The following NKAIN2 variants were observed in gnomAD, a reference collection of about 807,000 sequenced individuals.
NKAIN2 encodes the protein sodium/potassium transporting ATPase interacting 2, also known as sodium/potassium-transporting ATPase subunit beta-1-interacting protein 2.
In NKAIN2, 14 loss-of-function variants were observed where a neutral mutation model predicts 32.6. That is an observed-to-expected ratio of 0.43 (90% CI 0.28 to 0.67). The LOEUF is 0.67. Ranked by LOEUF, NKAIN2 falls within the 30% of genes least tolerant of loss-of-function variation. NKAIN2 has a pLI of 0.17. For synonymous variants in NKAIN2, 80 were observed against 87.2 expected (o/e 0.92, Z 0.46); for missense variants, 198 against 258.3 (o/e 0.77, Z 1.60).
At chr6:124,201,946 G>A (rs947591711) in intron 1 of NKAIN2, among the ~76,000 whole-genome samples, 6 of 151,284 alleles carry the variant, frequency 4.0e-5, no homozygotes, top group Non-Finnish European at 7.4e-5. Flanking sequence ...TTCTATTAAC[G>A]TTTGAGCTTT....
chr6:123,886,707 AG>A (rs1236131161), intron 1 of NKAIN2, among the ~76,000 whole-genome samples: 7 of 152,192 alleles, frequency 4.6e-5, no homozygotes, highest in African/African-American at 7.2e-5. Context: ...TCACAAAAGT[AG>A]CCAATCAATT....
At chr6:124,807,494 G>T (rs1387788036) in intron 5 of NKAIN2, among the ~76,000 whole-genome samples, 1 of 151,014 alleles carries the variant, frequency 6.6e-6, no homozygotes, top group African/African-American at 2.4e-5. Flanking sequence ...AAAGCAGTGT[G>T]TAGAGGGAAA....
At chr6:124,615,515 C>T (rs1466346525) in intron 3 of NKAIN2, among the ~76,000 whole-genome samples, 2 of 152,064 alleles carry the variant, frequency 1.3e-5, no homozygotes, top group African/African-American at 2.4e-5. Flanking sequence ...TCATTCTTAA[C>T]AGAAAAACAA....
At chr6:124,777,954 C>CAT (rs1319496701) in intron 4 of NKAIN2, among the ~76,000 whole-genome samples, 1 of 145,244 alleles carries the variant, frequency 6.9e-6, no homozygotes, top group East Asian at 1.9e-4. Flanking sequence ...CATTCACACA[C>CAT]ACACACACAC....
At chr6:124,188,334 A>T (rs1305968307) in intron 1 of NKAIN2, among the ~76,000 whole-genome samples, 1 of 152,210 alleles carries the variant, frequency 6.6e-6, no homozygotes, top group African/African-American at 2.4e-5. Flanking sequence ...GGCAAACTTG[A>T]ACTCTCAGCC....
chr6:124,146,756 A>G (rs1006912385), intron 1 of NKAIN2, among the ~76,000 whole-genome samples: 2 of 152,218 alleles, frequency 1.3e-5, no homozygotes, highest in African/African-American at 2.4e-5. Flanking sequence ...ATCACAAAAA[A>G]TACATTATGA....
intron 1 of NKAIN2, among the ~76,000 whole-genome samples, chr6:123,851,042 A>G (rs1775320811): frequency 6.6e-6 from 1 of 151,890 alleles, no homozygotes; most frequent in Non-Finnish European, 1.5e-5. Flanking sequence ...TTAAGGCTGA[A>G]TTGTATTCCA....
At chr6:123,971,257 G>A (rs933546214) in intron 1 of NKAIN2, among the ~76,000 whole-genome samples, 1 of 151,908 alleles carries the variant, frequency 6.6e-6, no homozygotes, top group African/African-American at 2.4e-5. Flanking sequence ...CTCTTACAAG[G>A]CACTATTTAG....
intron 1 of NKAIN2, among the ~76,000 whole-genome samples, chr6:123,853,454 C>G (rs1345775702): frequency 6.6e-6 from 1 of 152,140 alleles, no homozygotes; most frequent in African/African-American, 2.4e-5. Flanking sequence ...ACATTTCGGT[C>G]ATTCATTCTA....
intron 1 of NKAIN2, among the ~76,000 whole-genome samples, chr6:123,813,152 C>A (rs1477516813): frequency 6.6e-6 from 1 of 152,192 alleles, no homozygotes; most frequent in Non-Finnish European, 1.5e-5. Flanking sequence ...TTATAAGAAC[C>A]TCTGCAAGCC....
At chr6:124,266,713 T>C (rs142854896) in intron 1 of NKAIN2, among the ~76,000 whole-genome samples, 345 of 152,344 alleles carry the variant, frequency 2.3e-3, no homozygotes, top group African/African-American at 7.9e-3. Context: ...ATTACTGTAA[T>C]GTTGCTTAGC....
At chr6:124,784,753 G>C (rs1473601496) in intron 4 of NKAIN2, among the ~76,000 whole-genome samples, 2 of 152,054 alleles carry the variant, frequency 1.3e-5, no homozygotes, top group Non-Finnish European at 2.9e-5. Flanking sequence ...CTCCTGTGTA[G>C]GAGTGCAATT....
At chr6:124,619,609 C>A (rs1301374485) in intron 3 of NKAIN2, among the ~76,000 whole-genome samples, 2 of 152,112 alleles carry the variant, frequency 1.3e-5, no homozygotes, top group Non-Finnish European at 2.9e-5. Context: ...GAGCCCAGTT[C>A]TCTGAAAAGC....
At chr6:124,275,428 T>C (rs1794985850) in intron 1 of NKAIN2, among the ~76,000 whole-genome samples, 1 of 151,730 alleles carries the variant, frequency 6.6e-6, no homozygotes, top group Non-Finnish European at 1.5e-5. Flanking sequence ...TTTGAACTTA[T>C]GCCAAATCTT....
At chr6:124,509,194 A>T (rs1441853445) in intron 3 of NKAIN2, among the ~76,000 whole-genome samples, 1 of 152,156 alleles carries the variant, frequency 6.6e-6, no homozygotes, top group Non-Finnish European at 1.5e-5. Flanking sequence ...GTTTAGAGGA[A>T]GTTATCTTTC....
intron 1 of NKAIN2, among the ~76,000 whole-genome samples, chr6:123,995,973 A>G (rs1402179864): frequency 6.6e-6 from 1 of 152,134 alleles, no homozygotes; most frequent in Non-Finnish European, 1.5e-5. Context: ...TGATTTTTCA[A>G]CAAATTGGTT....
chr6:124,812,739 T>C (rs956453047), intron 5 of NKAIN2, among the ~76,000 whole-genome samples: 1 of 152,128 alleles, frequency 6.6e-6, no homozygotes, highest in Non-Finnish European at 1.5e-5. Context: ...TGACCTTTTT[T>C]TTTTCTTTAA....
At chr6:124,301,665 T>G (rs558576221) in intron 2 of NKAIN2, among the ~76,000 whole-genome samples, 5 of 152,324 alleles carry the variant, frequency 3.3e-5, no homozygotes, top group Non-Finnish European at 7.3e-5. Flanking sequence ...ATGTGAGATA[T>G]GGAGTCAAAG....
chr6:124,728,767 G>T (rs1421557989), intron 4 of NKAIN2, among the ~76,000 whole-genome samples: 1 of 151,938 alleles, frequency 6.6e-6, no homozygotes, highest in East Asian at 1.9e-4. Context: ...ATGAAACCAG[G>T]AGCTGGTTTT....
Sources: gnomAD v4.1 joint callset for allele counts (sites outside exome capture counted in the v4.1 genomes callset) on GRCh38, gnomAD v4.1.1 for gene constraint, MANE v1.5 for transcripts, NCBI Gene and HGNC (gene_info 2026-07-23, HGNC 2026-07-21) for gene names.